The following ITIH4 variants were observed in gnomAD, a reference collection of about 807,000 sequenced individuals.
ITIH4 encodes the protein inter-alpha-trypsin inhibitor heavy chain 4, also known as inter-alpha-trypsin inhibitor heavy chain H4.
In ITIH4, 79 loss-of-function variants were observed where a neutral mutation model predicts 111.8. The observed-to-expected ratio is 0.71, with a 90% CI of 0.59 to 0.85. The LOEUF is 0.85. Among genes scored for constraint, ITIH4 ranks in the 40% least tolerant of loss-of-function variants. The pLI is 0.00. For synonymous variants in ITIH4, 472 were observed against 468.3 expected (o/e 1.01, Z -0.10); for missense variants, 1,065 against 1,195.8 (o/e 0.89, Z 1.61).
chr3:52,822,068 G>A (rs1180928969), intron 11 of ITIH4, among the ~76,000 whole-genome samples: 1 of 152,230 alleles, frequency 6.6e-6, no homozygotes, highest in Non-Finnish European at 1.5e-5. Flanking sequence ...TCTGGGCCAG[G>A]TGCGGTGGCT....
At chr3:52,813,623 T>G in intron 23 of ITIH4, 133 bp from the exon 24 acceptor site, 1 of 794,460 alleles carries the variant, frequency 1.3e-6, no homozygotes, top group South Asian at 1.5e-5. Context: ...CCCTCCAGCA[T>G]AGGCCAACAA....
intron 23 of ITIH4, 94 bp from the exon 24 acceptor site, chr3:52,813,584 G>T: frequency 8.8e-7 from 1 of 1,139,940 alleles, no homozygotes; most frequent in Non-Finnish European, 1.3e-6. Context: ...AACATGGAGG[G>T]CAGGGAGTCC....
At chr3:52,827,734 G>A (rs574874192) in intron 2 of ITIH4, among the ~76,000 whole-genome samples, 2 of 152,290 alleles carry the variant, frequency 1.3e-5, no homozygotes, top group South Asian at 4.1e-4. Context: ...CAAGAGGCAG[G>A]CACCCTATAG....
chr3:52,814,736 G>A (rs1010934590), intron 21 of ITIH4, among the ~76,000 whole-genome samples: 1 of 152,030 alleles, frequency 6.6e-6, no homozygotes, highest in Non-Finnish European at 1.5e-5. Context: ...GCAGGTACAT[G>A]CCACCATGTC....
At position 52,824,378 on chromosome 3, in the gene ITIH4, G is replaced by A. The variant is rs1700448029; in HGVS notation, c.1045+19C>T. 1 of 1,613,504 alleles carries A rather than the reference G, an allele frequency of 6.2e-7. No individual in the cohort carries two copies. Among genetic ancestry groups the A allele is most frequent in the African/African-American group, 1.3e-5 (1 of 75,044 alleles). ...GAGCCCTGGAAGCCCCCACCCTGCA[G>A]GGCCACAGAGACACTTACCTCCCAG... On this transcript the variant is annotated intron_variant, in intron 8 of 23. Transcript: ENST00000266041. This position sits in a 1 kb window ranked among gnomAD's most constrained non-coding sequence, Gnocchi z 4.3.
intron 20 of ITIH4, 33 bp from the exon 21 acceptor site, chr3:52,817,091 G>C (rs1295169251): frequency 6.3e-7 from 1 of 1,594,064 alleles, no homozygotes; most frequent in Admixed American, 1.7e-5. Context: ...GTCATAGCTG[G>C]GCCCCAGCCA....
intron 17 of ITIH4, chr3:52,819,049 T>A: frequency 3.1e-6 from 1 of 327,190 alleles, no homozygotes; most frequent in Non-Finnish European, 5.8e-6. Context: ...GAACAAGGAG[T>A]GTGGGAGAGG....
intron 1 of ITIH4, 105 bp downstream of exon 1, chr3:52,830,448 G>A (rs1305666868): frequency 3.7e-6 from 4 of 1,081,270 alleles, no homozygotes; most frequent in Non-Finnish European, 5.7e-6. Flanking sequence ...ACACAGGGAT[G>A]CACACGCACT....
chr3:52,819,674 G>T, intron 16 of ITIH4, 80 bp downstream of exon 16: 1 of 1,583,050 alleles, frequency 6.3e-7, no homozygotes, highest in Non-Finnish European at 8.7e-7. Flanking sequence ...CCAACAGCTG[G>T]GAGATGAACA....
chr3:52,828,014 T>A (rs1473904644), intron 2 of ITIH4, among the ~76,000 whole-genome samples: 1 of 152,134 alleles, frequency 6.6e-6, no homozygotes, highest in Non-Finnish European at 1.5e-5. Context: ...CCTTCCTGGT[T>A]ATAATTTAAC....
chr3:52,822,667 G>A (rs1700406383), intron 11 of ITIH4, among the ~76,000 whole-genome samples: 1 of 152,214 alleles, frequency 6.6e-6, no homozygotes, highest in Admixed American at 6.5e-5. Context: ...GCAGAGCTGG[G>A]TTTGAAGCCA....
chr3:52,829,561 G>A (rs1319876322), intron 1 of ITIH4, among the ~76,000 whole-genome samples: 2 of 152,228 alleles, frequency 1.3e-5, no homozygotes, highest in African/African-American at 2.4e-5. Context: ...ACCCCTTGGA[G>A]AAGAACAAGC....
intron 23 of ITIH4, 118 bp downstream of exon 23, chr3:52,813,857 C>T (rs1559476793): frequency 1.9e-5 from 15 of 789,840 alleles, no homozygotes; most frequent in Middle Eastern, 3.5e-4. Flanking sequence ...AACCTTCCAC[C>T]GGACTGTGTC....
In ITIH4 at chr3:52,813,380, A is replaced by G. The variant is rs1338944908; in HGVS notation, c.*41T>C. 1 of 1,583,408 alleles carries G rather than the reference A, an allele frequency of 6.3e-7. No individual in the cohort carries two copies. The highest frequency in any genetic ancestry group is 1.8e-4 in the Middle Eastern group (1 of 5,406). On this transcript the variant is annotated 3_prime_UTR_variant, in exon 24 of 24. Transcript: ENST00000266041. ...GAAGCGGCCCTGCAGTTGCAGGGGG[A>G]AGCCAAGTGTACAGGGTGGGCACAG...
At chr3:52,813,825 G>T (rs1578768569) in intron 23 of ITIH4, 150 bp downstream of exon 23, 1 of 678,446 alleles carries the variant, frequency 1.5e-6, no homozygotes, top group Non-Finnish European at 2.6e-6. Flanking sequence ...CTGAAAGCTG[G>T]CTTAGACACT....
In ITIH4 at chr3:52,829,296, G is replaced by A; in HGVS notation, c.91-17C>T. ...GATGCCATTCTGGACCAGCAAAGAA[G>A]AAGGGGGTTGCAGGGTTTCAATGCC... is the stretch of plus-strand genomic sequence containing the variant. On this transcript the variant is annotated splice_polypyrimidine_tract_variant and intron_variant, in intron 1 of 23. Transcript: ENST00000266041. The A allele has an allele frequency of 6.3e-7, 1 of 1,593,700 alleles. No homozygotes were observed. The highest frequency in any genetic ancestry group is 8.6e-7 in the Non-Finnish European group (1 of 1,164,090).
chr3:52,822,787 C>T (rs74788991), intron 11 of ITIH4, among the ~76,000 whole-genome samples: 3,449 of 152,248 alleles, frequency 0.023, 128 homozygotes, highest in African/African-American at 0.076. Context: ...CACACGCTGC[C>T]CTCATGCCAC....
chr3:52,813,367 C>A lies in ITIH4; in HGVS notation c.*54G>T. The A allele has an allele frequency of 1.3e-6, 2 of 1,498,628 alleles. No homozygotes were observed. Among genetic ancestry groups the A allele is most frequent in the Non-Finnish European group, 1.9e-6 (2 of 1,074,794 alleles). 92.8% of individuals were successfully genotyped at this position (1,498,628 alleles called of 1,614,324 possible). On this transcript the variant is annotated 3_prime_UTR_variant, in exon 24 of 24. Transcript: ENST00000266041. The stretch of plus-strand genomic sequence containing the variant: ...GGTCCAGGCCCCAGAAGCGGCCCTG[C>A]AGTTGCAGGGGGAAGCCAAGTGTAC...
At position 52,820,668 on chromosome 3, in the gene ITIH4, T is replaced by C; in HGVS notation, c.1797A>G (p.Gln599=). The C allele has an allele frequency of 6.2e-7, 1 of 1,613,772 alleles. No individual in the cohort carries two copies. Among genetic ancestry groups the C allele is most frequent in the Non-Finnish European group, 8.5e-7 (1 of 1,179,786 alleles). ...TSMVVTKPDD[Q]EQSQVAEKPM... is the part of the protein sequence containing the mutation. ...GCTTCTCAGCAACTTGAGACTGCTC[T>C]TGGTCATCGGGTTTGGTGACTACCA... Residue 599 remains glutamine (Q), a synonymous_variant, in exon 13 of 24, where the codon CAA becomes CAG. Transcript: ENST00000266041.
Sources: gnomAD v4.1 joint callset for allele counts (sites outside exome capture counted in the v4.1 genomes callset) on GRCh38, gnomAD v4.1.1 for gene constraint, Gnocchi (gnomAD v3.1) non-coding constraint, MANE v1.5 for transcripts, NCBI Gene and HGNC (gene_info 2026-07-23, HGNC 2026-07-21) for gene names.